The following EXOC6 variants were observed in gnomAD, a reference collection of about 807,000 sequenced individuals.
EXOC6 encodes the protein exocyst complex component 6, also known as SEC15-like 1.
A neutral mutation model predicts 112.5 loss-of-function variants in EXOC6; 60 were observed. The observed-to-expected ratio is 0.53, with a 90% confidence interval of 0.43 to 0.66. The LOEUF (loss-of-function observed/expected upper bound fraction) is 0.66, where lower values mean the gene tolerates loss of function less well. EXOC6 is among the 30% of genes least tolerant of loss of function. The pLI is 0.00. For missense variants in EXOC6, 855 were observed against 957.1 expected (o/e 0.89, Z 1.41); for synonymous variants, 295 against 308.0 (o/e 0.96, Z 0.44).
intron 18 of EXOC6, among the ~76,000 whole-genome samples, chr10:92,974,521 A>G (rs1589949499): frequency 2.1e-5 from 1 of 46,838 alleles, no homozygotes. Context: ...GAAATAATTT[A>G]CATAGAGTTA....
Position 92,974,204 on chromosome 10 carries a change from G to A in EXOC6, c.1925G>A (p.Ser642Asn). The stretch of plus-strand genomic sequence containing the variant: ...ATGGACCTTATAAATTTTTTGAGAA[G>A]CATCTTTCAAGTGTTTACTCATTTG... ...YLMDLINFLRSIFQVFTHLPG... is the reference protein window; with the variant it reads ...YLMDLINFLRNIFQVFTHLPG... Residue 642 changes from serine to asparagine, a missense_variant, in exon 18 of 22, where the codon AGC (serine) becomes AAC (asparagine). This residue lies in a region of EXOC6 where 450 missense variants were observed against 563.5 expected (regional missense o/e 0.80). Transcript: ENST00000260762. The A allele has an allele frequency of 1.3e-6, 2 of 1,574,252 alleles. No individual in the cohort carries two copies. The highest frequency in any genetic ancestry group is 1.7e-6 in the Non-Finnish European group (2 of 1,170,114).
intron 7 of EXOC6, among the ~76,000 whole-genome samples, chr10:92,919,367 A>G (rs10748585): frequency 6.6e-6 from 1 of 152,056 alleles, no homozygotes; most frequent in Non-Finnish European, 1.5e-5. Context: ...GTGTTCCTTT[A>G]AAAAGGGTTT....
rs1186270775 is a variant in EXOC6, at chr10:93,014,345, TA to T, written c.2169+79del. On this transcript the variant is annotated intron_variant, in intron 20 of 21. Coordinates refer to ENST00000260762, the MANE Select transcript of EXOC6 (RefSeq NM_019053.6). ...CCTCACTTTTTTTTTTTATTAATGC[TA>T]CAGGAATGCCTGTTTGCCTTGAAAC... 4 of 1,078,286 alleles carry T rather than the reference TA, an allele frequency of 3.7e-6. No individual in the cohort carries two copies. The African/African-American group carries it at 6.3e-5, about 17-fold the overall frequency. 66.8% of individuals were successfully genotyped at this position (1,078,286 alleles called of 1,614,324 possible). A position where few individuals can be genotyped will look rare whatever the true frequency, so the allele number is the denominator to read the frequency against.
At chr10:92,981,379 T>G (rs1842818426) in intron 18 of EXOC6, among the ~76,000 whole-genome samples, 1 of 152,214 alleles carries the variant, frequency 6.6e-6, no homozygotes, top group South Asian at 2.1e-4. Flanking sequence ...TTTCTTCCTT[T>G]ATAAATGTTA....
chr10:92,860,813 G>A (rs1437916637), intron 1 of EXOC6, among the ~76,000 whole-genome samples: 2 of 151,708 alleles, frequency 1.3e-5, no homozygotes, highest in Non-Finnish European at 2.9e-5. Flanking sequence ...CAGAATGAAA[G>A]CCCATTGTAT....
At chr10:93,006,612 A>AT (rs757432494) in intron 19 of EXOC6, among the ~76,000 whole-genome samples, 31 of 152,234 alleles carry the variant, frequency 2.0e-4, no homozygotes, top group Non-Finnish European at 4.4e-4. Context: ...ATTCCCAGGC[A>AT]TAAGTTCTTC....
intron 5 of EXOC6, chr10:92,900,268 C>G (rs1304100239): frequency 6.6e-6 from 1 of 151,414 alleles, no homozygotes; most frequent in Non-Finnish European, 1.5e-5. Context: ...ATTTCACCTC[C>G]CCACCCCCTT....
intron 20 of EXOC6, among the ~76,000 whole-genome samples, chr10:93,029,074 A>G (rs1223390350): frequency 2.6e-5 from 4 of 152,116 alleles, no homozygotes; most frequent in Non-Finnish European, 5.9e-5. Context: ...TTCAGCAATC[A>G]CCACCCGAAT....
chr10:92,960,990 C>A (rs1380048472), intron 17 of EXOC6, among the ~76,000 whole-genome samples: 3 of 151,918 alleles, frequency 2.0e-5, no homozygotes, highest in Non-Finnish European at 2.9e-5. Flanking sequence ...TGACTGGATA[C>A]GTGACCTTTG....
At chr10:92,955,508 C>T (rs915379492) in intron 16 of EXOC6, 72 bp from the exon 17 acceptor site, 3 of 1,222,890 alleles carry the variant, frequency 2.5e-6, no homozygotes, top group African/African-American at 1.5e-5. Flanking sequence ...AGTAATAATC[C>T]CATTTTTAAA....
chr10:92,965,982 C>G (rs370256825), intron 17 of EXOC6, among the ~76,000 whole-genome samples: 1 of 152,024 alleles, frequency 6.6e-6, no homozygotes, highest in East Asian at 1.9e-4. Context: ...TATTTGCTTC[C>G]TATTATAGCC....
rs149600248 is a variant in EXOC6 at position 92,838,288 on chromosome 10, C to T, written c.86+3464C>T. Among the ~76,000 whole-genome samples the T allele has an allele frequency of 3.9e-3, 594 of 152,250 alleles. 4 individuals are homozygous for T. The highest frequency in any genetic ancestry group is 6.3e-3 in the Non-Finnish European group (427 of 68,022). On this transcript the variant is annotated intron_variant, in intron 1 of 21. Coordinates refer to the EXOC6 transcript ENST00000371552. ...GTCAATGGCCTATAATGCCTTTCAC[C>T]CCACCAGGCTGTGTTCTTCCCACCT...
chr10:92,847,826 G>A (rs1193350298), upstream of EXOC6, among the ~76,000 whole-genome samples: 4 of 129,534 alleles, frequency 3.1e-5, no homozygotes, highest in African/African-American at 1.1e-4. Context: ...ATTACACATC[G>A]CCCTGGGCCT....
At chr10:93,042,598 G>A (rs765706993) in intron 20 of EXOC6, among the ~76,000 whole-genome samples, 1 of 152,150 alleles carries the variant, frequency 6.6e-6, no homozygotes, top group Non-Finnish European at 1.5e-5. Context: ...TTAAAAACCT[G>A]GGTTGGGAGG....
upstream of EXOC6, among the ~76,000 whole-genome samples, chr10:92,847,245 T>C (rs1227580373): frequency 6.6e-6 from 1 of 152,230 alleles, no homozygotes; most frequent in Non-Finnish European, 1.5e-5. Flanking sequence ...GGGACAGCAA[T>C]ATGAGGCAGA....
Position 92,974,230 on chromosome 10 carries a change from C to T in EXOC6, c.1951C>T (p.Pro651Ser), listed in dbSNP as rs774299923. The T allele has an allele frequency of 2.0e-6, 3 of 1,531,924 alleles. No homozygotes were observed. Among genetic ancestry groups the T allele is most frequent in the Admixed American group, 2.5e-5 (1 of 39,998 alleles). The allele number at this position is 1,531,924 out of a possible 1,614,324, so 94.9% of individuals were successfully genotyped here. A position where few individuals can be genotyped will look rare whatever the true frequency, so the allele number is the denominator to read the frequency against. The change falls in exon 18 of 22, where the codon CCT becomes TCT. Residue 651 changes from proline to serine, a missense_variant and splice_region_variant. Transcript: ENST00000260762. Reference sequence around the variant, plus strand: ...CATCTTTCAAGTGTTTACTCATTTGCCTGTAAGTATAAAAATTTTCAAAAA... The same window carrying T: ...CATCTTTCAAGTGTTTACTCATTTGTCTGTAAGTATAAAAATTTTCAAAAA... ...RSIFQVFTHL[P>S]GKVAQTACMS...
intron 18 of EXOC6, among the ~76,000 whole-genome samples, chr10:92,980,473 C>T (rs1265594381): frequency 6.6e-6 from 1 of 152,030 alleles, no homozygotes; most frequent in African/African-American, 2.4e-5. Context: ...GTATTAGTTT[C>T]ATTGTGTAAT....
intron 1 of EXOC6, among the ~76,000 whole-genome samples, chr10:92,858,429 CT>C (rs1847730943): frequency 6.6e-6 from 1 of 151,688 alleles, no homozygotes; most frequent in Admixed American, 6.6e-5. Context: ...CTCTCCTGTT[CT>C]TTTTTCTCTC....
chr10:93,035,420 T>A (rs1438112170), intron 20 of EXOC6, among the ~76,000 whole-genome samples: 1 of 152,246 alleles, frequency 6.6e-6, no homozygotes, highest in African/African-American at 2.4e-5. Flanking sequence ...TTACAAAAAT[T>A]GTTTATGCTC....
Sources: allele counts gnomAD v4.1 joint callset (sites outside exome capture counted in the v4.1 genomes callset), GRCh38; gene constraint gnomAD v4.1.1; regional missense constraint gnomAD v4.1.1; transcripts MANE v1.5; gene names NCBI Gene and HGNC (gene_info 2026-07-23, HGNC 2026-07-21).